PCDH9: variants seen among roughly 807,000 people sequenced by gnomAD.
The protein encoded by PCDH9 is protocadherin 9, also known as protocadherin-9.
Under a neutral mutation model 70.6 loss-of-function variants are expected in PCDH9, and 24 were observed. The observed-to-expected ratio is 0.34, with a 90% CI of 0.25 to 0.48. The LOEUF (loss-of-function observed/expected upper bound fraction) is 0.48, where lower values mean the gene tolerates loss of function less well. PCDH9 is among the 20% of genes least tolerant of loss of function. The probability of loss-of-function intolerance (pLI) is 0.99; values close to 1 mark genes in which losing one functional copy is unlikely to be tolerated. For missense variants in PCDH9, 1,281 were observed against 1,503.6 expected, an observed-to-expected ratio of 0.85 and a Z score of 2.45; for synonymous variants, 562 against 558.5, an observed-to-expected ratio of 1.01 and a Z score of -0.09.
At chr13:66,351,141 C>T (rs1267388021) in intron 4 of PCDH9, among the ~76,000 whole-genome samples, 1 of 151,944 alleles carries the variant, frequency 6.6e-6, no homozygotes, top group Non-Finnish European at 1.5e-5. Flanking sequence ...GTACTAAATA[C>T]TTTACTTTTT....
intron 4 of PCDH9, among the ~76,000 whole-genome samples, chr13:66,382,097 T>A (rs1956859219): frequency 6.6e-6 from 1 of 152,118 alleles, no homozygotes; most frequent in South Asian, 2.1e-4. Context: ...TGAAAAAGGG[T>A]AGATGAATAG....
At chr13:66,936,649 G>T (rs145070432) in intron 2 of PCDH9, among the ~76,000 whole-genome samples, 2,461 of 152,168 alleles carry the variant, frequency 0.016, 29 homozygotes, top group Non-Finnish European at 0.024. Context: ...TCATGAACTG[G>T]CTACTAAACA....
At chr13:66,630,868 C>G (rs993762636) in intron 4 of PCDH9, 3 of 173,078 alleles carry the variant, frequency 1.7e-5, no homozygotes, top group African/African-American at 7.1e-5. Flanking sequence ...TTTTCATTGA[C>G]TATTCTACTT....
chr13:66,440,452 A>G (rs943341587), intron 4 of PCDH9, among the ~76,000 whole-genome samples: 1 of 152,122 alleles, frequency 6.6e-6, no homozygotes, highest in African/African-American at 2.4e-5. Context: ...AGTGTGTAAA[A>G]AATCTGTAAT....
intron 4 of PCDH9, among the ~76,000 whole-genome samples, chr13:66,553,464 G>A (rs934354903): frequency 6.6e-6 from 1 of 152,088 alleles, no homozygotes; most frequent in Non-Finnish European, 1.5e-5. Context: ...GTAGTATGTC[G>A]AGTTGTTTTG....
intron 4 of PCDH9, among the ~76,000 whole-genome samples, chr13:66,569,712 A>G (rs1566425370): frequency 6.6e-6 from 1 of 152,178 alleles, no homozygotes; most frequent in Non-Finnish European, 1.5e-5. Context: ...TAGGTTAATT[A>G]TAACCCCATT....
At chr13:66,765,041 T>C (rs987172676) in intron 3 of PCDH9, among the ~76,000 whole-genome samples, 2 of 151,118 alleles carry the variant, frequency 1.3e-5, no homozygotes, top group East Asian at 3.9e-4. Flanking sequence ...TCTCTCTTTC[T>C]GTGTCTTTGT....
At chr13:67,103,201 C>T (rs1444914647) in intron 2 of PCDH9, among the ~76,000 whole-genome samples, 1 of 151,772 alleles carries the variant, frequency 6.6e-6, no homozygotes, top group Non-Finnish European at 1.5e-5. Context: ...TATAAAAATG[C>T]TACAAGGAAA....
chr13:66,587,065 G>A (rs892787802), intron 4 of PCDH9, among the ~76,000 whole-genome samples: 2 of 152,074 alleles, frequency 1.3e-5, no homozygotes, highest in African/African-American at 4.8e-5. Flanking sequence ...GGAGGCCAAA[G>A]CAAGAAGATC....
At chr13:66,472,555 G>A (rs1958641256) in intron 4 of PCDH9, among the ~76,000 whole-genome samples, 1 of 152,162 alleles carries the variant, frequency 6.6e-6, no homozygotes, top group South Asian at 2.1e-4. Flanking sequence ...GGGTGACAGA[G>A]TGGGACCCTA....
intron 3 of PCDH9, among the ~76,000 whole-genome samples, chr13:66,712,535 T>C (rs115066015): frequency 0.012 from 1,766 of 152,216 alleles, 42 homozygotes; most frequent in African/African-American, 0.041. Flanking sequence ...AACATGTAAA[T>C]ACAACACCTT....
chr13:66,598,150 G>A (rs190266164), intron 4 of PCDH9, among the ~76,000 whole-genome samples: 13 of 151,832 alleles, frequency 8.6e-5, no homozygotes, highest in Admixed American at 2.0e-4. Flanking sequence ...GCAAAATGGC[G>A]TGACCACTAC....
At chr13:67,119,259 C>T (rs2086834730) in intron 2 of PCDH9, among the ~76,000 whole-genome samples, 1 of 151,936 alleles carries the variant, frequency 6.6e-6, no homozygotes, top group African/African-American at 2.4e-5. Flanking sequence ...GTGTTTAGAT[C>T]TTAGCCGGGA....
Position 66,730,864 on chromosome 13 carries a change from T to TTG in PCDH9, c.3139-99455_3139-99454dup, listed in dbSNP as rs1555262840. On this transcript the variant is annotated intron_variant, in intron 3 of 4. Coordinates refer to ENST00000377865, the MANE Select transcript of PCDH9 (RefSeq NM_203487.3). ...TGGCTGTTTTTTTGTTTTTGTTTTT[T>TTG]TGTGTGTGTGTGTTTTTTTTTTGTT... Among the ~76,000 whole-genome samples, 469 of 122,244 alleles carry TTG rather than the reference T, an allele frequency of 3.8e-3. 10 individuals are homozygous for TTG. The highest frequency in any genetic ancestry group is 0.014 in the African/African-American group (431 of 30,888). 80.2% of individuals were successfully genotyped at this position (122,244 alleles called of 152,430 possible).
chr13:67,100,099 G>A (rs995646416), intron 2 of PCDH9, among the ~76,000 whole-genome samples: 2 of 152,010 alleles, frequency 1.3e-5, no homozygotes, highest in Non-Finnish European at 2.9e-5. Flanking sequence ...AGTGGTTGAC[G>A]TCTTCATTAA....
rs145895535 is a variant in PCDH9, at chr13:66,517,124, C to T, written c.3340+114086G>A. On this transcript the variant is annotated intron_variant, in intron 4 of 4. Transcript: ENST00000377865. ...CACACGTGCCAAACTATATATGGGA[C>T]ATTTCTGGTATCTTTAATTTATATA... 2.4e-4 allele frequency among the ~76,000 whole-genome samples: 37 copies of T among 152,194 alleles called. No individual in the cohort carries two copies. The East Asian group carries it at 6.6e-3, about 27-fold the overall frequency.
At chr13:67,200,769 G>A (rs1287240058) in intron 2 of PCDH9, among the ~76,000 whole-genome samples, 1 of 151,990 alleles carries the variant, frequency 6.6e-6, no homozygotes, top group Admixed American at 6.6e-5. Flanking sequence ...ATGAGTACCT[G>A]GGGTTGGGAG....
intron 2 of PCDH9, among the ~76,000 whole-genome samples, chr13:67,057,067 G>C (rs1479324543): frequency 1.3e-5 from 2 of 151,980 alleles, no homozygotes; most frequent in Non-Finnish European, 2.9e-5. Context: ...GAGTATTCTT[G>C]TCTTTTTACC....
In PCDH9 at chr13:66,998,198, G is replaced by C. The variant is rs572579209; in HGVS notation, c.3037-94593C>G. Among the ~76,000 whole-genome samples, 4 of 152,242 alleles carry C rather than the reference G, an allele frequency of 2.6e-5. No homozygotes were observed. The East Asian group carries it at 7.7e-4, about 29-fold the overall frequency. On this transcript the variant is annotated intron_variant, in intron 2 of 4. Transcript: ENST00000377865. ...CACAAGTGAGAAGAGAATGTGCCAG[G>C]GCCCGAGGAACAAATCAAGGAGATT...
Sources: allele counts gnomAD v4.1 joint callset (sites outside exome capture counted in the v4.1 genomes callset), GRCh38; gene constraint gnomAD v4.1.1; transcripts MANE v1.5; gene names NCBI Gene and HGNC (gene_info 2026-07-23, HGNC 2026-07-21).